SPECC1L: variants seen among roughly 807,000 people sequenced by gnomAD.
The protein encoded by SPECC1L is cytospin-A.
In SPECC1L, 40 loss-of-function variants were observed where a neutral mutation model predicts 116.8. That is an observed-to-expected ratio of 0.34 (90% confidence interval 0.27 to 0.45). The LOEUF (loss-of-function observed/expected upper bound fraction) is 0.45, where lower values mean the gene tolerates loss of function less well. SPECC1L is among the 20% of genes least tolerant of loss of function. SPECC1L has a pLI of 1.00. For synonymous variants in SPECC1L, 504 were observed against 500.6 expected (o/e 1.01, Z -0.09); for missense variants, 1,110 against 1,373.6 (o/e 0.81, Z 3.03).
intron 2 of SPECC1L, among the ~76,000 whole-genome samples, chr22:24,282,959 G>A (rs1184856571): frequency 3.3e-5 from 5 of 151,866 alleles, no homozygotes; most frequent in Admixed American, 6.6e-5. Flanking sequence ...TGTATTATTA[G>A]TAGAGGCGGG....
chr22:24,363,187 A>G (rs371674210), intron 11 of SPECC1L, 74 bp from the exon 12 acceptor site: 3 of 1,331,352 alleles, frequency 2.3e-6, no homozygotes, highest in African/African-American at 2.9e-5. Flanking sequence ...AGTAAAACTC[A>G]CCTTCTTTGT....
chr22:24,330,116 A>G (rs1459895589), intron 7 of SPECC1L, 140 bp from the exon 8 acceptor site: 8 of 815,622 alleles, frequency 9.8e-6, no homozygotes, highest in Non-Finnish European at 1.6e-5. Flanking sequence ...GATACTAGCA[A>G]TTCTCTGGGA....
intron 3 of SPECC1L, among the ~76,000 whole-genome samples, chr22:24,306,575 G>T (rs1351796506): frequency 6.6e-6 from 1 of 151,960 alleles, no homozygotes; most frequent in Non-Finnish European, 1.5e-5. Flanking sequence ...TAGAGACAGG[G>T]TCTCACTTTT....
intron 7 of SPECC1L, among the ~76,000 whole-genome samples, chr22:24,329,561 T>C (rs1304031131): frequency 2.0e-5 from 3 of 152,158 alleles, no homozygotes; most frequent in Admixed American, 6.5e-5. Flanking sequence ...TCAGGCTGCT[T>C]TCATGGTGTA....
Position 24,401,520 on chromosome 22 carries a change from C to T in SPECC1L, c.3088-10068C>T, listed in dbSNP as rs549490882. ...CACTCCTTCCTTCATTAGGCTTCCTCTTTACAGAGAAACCCCTTTGTCAGC... is the reference window on the plus strand; with the variant it reads ...CACTCCTTCCTTCATTAGGCTTCCTTTTTACAGAGAAACCCCTTTGTCAGC... On this transcript the variant is annotated intron_variant, in intron 14 of 16. Transcript: ENST00000314328. Among the ~76,000 whole-genome samples, 3 of 152,336 alleles carry T rather than the reference C, an allele frequency of 2.0e-5. No homozygotes were observed. In the South Asian group the frequency reaches 6.2e-4, roughly 32 times the overall value.
intron 4 of SPECC1L, 45 bp from the exon 5 acceptor site, chr22:24,321,243 T>C (rs1476600918): frequency 6.2e-7 from 1 of 1,608,474 alleles, no homozygotes. Context: ...TGTAGCCTTT[T>C]ATTGCTGACA....
intron 11 of SPECC1L, among the ~76,000 whole-genome samples, chr22:24,347,966 G>A (rs1399754945): frequency 6.6e-6 from 1 of 152,126 alleles, no homozygotes; most frequent in Non-Finnish European, 1.5e-5. Flanking sequence ...GCAAGCTACC[G>A]CACCTGGCCT....
chr22:24,377,314 CT>C (rs1368399625), intron 14 of SPECC1L, among the ~76,000 whole-genome samples: 6 of 150,108 alleles, frequency 4.0e-5, no homozygotes, highest in Non-Finnish European at 7.4e-5. Context: ...CTGTTAAGAA[CT>C]TTTTTTTTTC....
At chr22:24,279,368 T>TA (rs55671385) in intron 2 of SPECC1L, among the ~76,000 whole-genome samples, 2 of 151,976 alleles carry the variant, frequency 1.3e-5, no homozygotes, top group Admixed American at 6.5e-5. Context: ...TTCTGATTTT[T>TA]AAAAAAAATT....
At chr22:24,327,295 A>AC (rs1478206816) in intron 6 of SPECC1L, among the ~76,000 whole-genome samples, 1 of 150,196 alleles carries the variant, frequency 6.7e-6, no homozygotes, top group Non-Finnish European at 1.5e-5. Flanking sequence ...AAAAAAAAAA[A>AC]AAAAAAACAT....
intron 14 of SPECC1L, among the ~76,000 whole-genome samples, chr22:24,394,040 T>C (rs1332372422): frequency 1.3e-5 from 2 of 152,228 alleles, no homozygotes; most frequent in African/African-American, 4.8e-5. Context: ...CCCTGAGTGT[T>C]AGTCCATTTT....
rs1255620720 is a variant in SPECC1L, at chr22:24,321,817, G to A, written c.837G>A (p.Glu279=). 1 of 1,614,210 alleles carries A rather than the reference G, an allele frequency of 6.2e-7. No homozygotes were observed. ...TGAATGCATTGGGCTTTTCCCTAGA[G>A]CAGAGGTTAGACAATTCTGAAAAAC... ...DRLNALGFSL[E]QRLDNSEKLF... Residue 279 remains glutamate, a synonymous_variant, in exon 5 of 17, where the codon GAG becomes GAA. Transcript: ENST00000314328.
chr22:24,285,488 A>C (rs1304543100), intron 2 of SPECC1L, among the ~76,000 whole-genome samples: 53 of 152,134 alleles, frequency 3.5e-4, no homozygotes, highest in Non-Finnish European at 1.5e-5. Context: ...ATTCTACCCA[A>C]CCAGTCTGAG....
At chr22:24,344,322 A>G (rs919367271) in intron 10 of SPECC1L, among the ~76,000 whole-genome samples, 2 of 150,526 alleles carry the variant, frequency 1.3e-5, no homozygotes, top group South Asian at 2.1e-4. Context: ...ACCTCAACAC[A>G]ATAAAAGAGG....
intron 11 of SPECC1L, among the ~76,000 whole-genome samples, chr22:24,352,165 C>T (rs577298274): frequency 6.6e-6 from 1 of 152,296 alleles, no homozygotes; most frequent in South Asian, 2.1e-4. Context: ...TGGCTAGGGT[C>T]ATGACTGGTG....
intron 14 of SPECC1L, among the ~76,000 whole-genome samples, chr22:24,405,556 C>T (rs184122278): frequency 6.6e-6 from 1 of 152,072 alleles, no homozygotes; most frequent in Non-Finnish European, 1.5e-5. Flanking sequence ...AAATACCTTA[C>T]AGGCTGGGCA....
At chr22:24,412,037 G>A (rs2042708464) in intron 15 of SPECC1L, 1 of 420,252 alleles carries the variant, frequency 2.4e-6, no homozygotes, top group South Asian at 2.1e-5. Context: ...AGGCAGTGCT[G>A]ACCAGGCCAG....
intron 10 of SPECC1L, among the ~76,000 whole-genome samples, chr22:24,340,283 G>C (rs1199594885): frequency 6.6e-6 from 1 of 151,528 alleles, no homozygotes; most frequent in Non-Finnish European, 1.5e-5. Context: ...AAGTAGCCAG[G>C]ATTACAGGTG....
chr22:24,364,744 A>C (rs1424541421), intron 12 of SPECC1L, among the ~76,000 whole-genome samples: 1 of 151,474 alleles, frequency 6.6e-6, no homozygotes, highest in East Asian at 1.9e-4. Context: ...CTGTCCCTTT[A>C]ACAGTGTTTT....
Sources: allele counts gnomAD v4.1 joint callset (sites outside exome capture counted in the v4.1 genomes callset), GRCh38; gene constraint gnomAD v4.1.1; transcripts MANE v1.5; gene names NCBI Gene and HGNC (gene_info 2026-07-23, HGNC 2026-07-21).